DPY19L3: variants seen among roughly 807,000 people sequenced by gnomAD.
DPY19L3 encodes dpy-19 like C-mannosyltransferase 3.
In DPY19L3, 51 loss-of-function variants were observed where a neutral mutation model predicts 92.3. That is an observed-to-expected ratio of 0.55 (90% CI 0.44 to 0.70). The LOEUF is 0.70. Among genes scored for constraint, DPY19L3 ranks in the 30% least tolerant of loss-of-function variants. The pLI, the probability that DPY19L3 is intolerant of heterozygous loss-of-function variation, is 0.00. For missense variants in DPY19L3, 706 were observed against 855.9 expected, an observed-to-expected ratio of 0.82 and a Z score of 2.18; for synonymous variants, 309 against 315.2, an observed-to-expected ratio of 0.98 and a Z score of 0.21.
At chr19:32,413,140 C>T (rs1345387413) in intron 3 of DPY19L3, 1 of 152,120 alleles carries the variant, frequency 6.6e-6, no homozygotes, top group African/African-American at 2.4e-5. Context: ...ACTGTGGTGT[C>T]TAATGACTAG....
intron 3 of DPY19L3, among the ~76,000 whole-genome samples, chr19:32,426,938 C>T (rs140818422): frequency 1.7e-3 from 253 of 152,280 alleles, no homozygotes; most frequent in Non-Finnish European, 3.1e-3. Context: ...TGAGATGAGG[C>T]GTGCCTGAAG....
rs1970736354 is a variant in DPY19L3, at chr19:32,483,931, A to G, written c.*1691A>G. 1 of 152,790 alleles carries G rather than the reference A, an allele frequency of 6.5e-6. No individual in the cohort carries two copies. The highest frequency in any genetic ancestry group is 1.5e-5 in the Non-Finnish European group (1 of 68,032). The allele number at this position is 152,790 out of a possible 1,614,324, so 9.5% of individuals were successfully genotyped here. A position where few individuals can be genotyped will look rare whatever the true frequency, so the allele number is the denominator to read the frequency against. ...GAGTGCCTTACTCTAATTGAAACCAAGCACACGTAAGGTACAATATGTTAG... is the reference window on the plus strand; with the variant it reads ...GAGTGCCTTACTCTAATTGAAACCAGGCACACGTAAGGTACAATATGTTAG... On this transcript the variant is annotated 3_prime_UTR_variant, in exon 19 of 19. Coordinates refer to ENST00000392250, the MANE Select transcript of DPY19L3 (RefSeq NM_001172774.2).
At chr19:32,445,409 C>G (rs1050559424) in intron 8 of DPY19L3, among the ~76,000 whole-genome samples, 2 of 112,916 alleles carry the variant, frequency 1.8e-5, no homozygotes, top group Admixed American at 2.6e-4. Flanking sequence ...CCACTGCACT[C>G]CAGTCTGGGG....
intron 12 of DPY19L3, among the ~76,000 whole-genome samples, chr19:32,459,110 T>C (rs1169455096): frequency 6.6e-6 from 1 of 152,170 alleles, no homozygotes; most frequent in Non-Finnish European, 1.5e-5. Context: ...TAATTATTAG[T>C]ATCTACTAAA....
chr19:32,447,819 GATAGATAGATAGA>G (rs1160781464), intron 8 of DPY19L3, among the ~76,000 whole-genome samples: 15 of 89,898 alleles, frequency 1.7e-4, no homozygotes, highest in Admixed American at 1.4e-3. Context: ...AGATAGATTA[GATAGATAGATAGA>G]TAGATAGATA....
chr19:32,416,770 C>T (rs1045921676), intron 3 of DPY19L3, among the ~76,000 whole-genome samples: 1 of 152,188 alleles, frequency 6.6e-6, no homozygotes, highest in Non-Finnish European at 1.5e-5. Flanking sequence ...CAAAGAAGCT[C>T]TTCTGAGTAC....
At chr19:32,473,288 G>A (rs1228919729) in intron 16 of DPY19L3, among the ~76,000 whole-genome samples, 1 of 152,210 alleles carries the variant, frequency 6.6e-6, no homozygotes, top group Non-Finnish European at 1.5e-5. Context: ...GCTTGGCAGA[G>A]AGCTATAAAA....
At chr19:32,426,125 A>G (rs549387532) in intron 3 of DPY19L3, among the ~76,000 whole-genome samples, 62 of 152,276 alleles carry the variant, frequency 4.1e-4, no homozygotes, top group South Asian at 1.0e-3. Context: ...TTGCACTTGT[A>G]TGTTAGGGAG....
chr19:32,418,813 G>A (rs1968464012), intron 3 of DPY19L3, among the ~76,000 whole-genome samples: 1 of 152,130 alleles, frequency 6.6e-6, no homozygotes, highest in Non-Finnish European at 1.5e-5. Context: ...GAGAGTAAAA[G>A]TATTGGTTAT....
In DPY19L3 at chr19:32,479,985, G is replaced by A. The variant is rs145905034; in HGVS notation, c.1831-414G>A. ...AGCTGGGGCTCTGCCTTATTGGGACGTGTGTCCCTCAGACTGTCCCATCAC... is the reference window on the plus strand; with the variant it reads ...AGCTGGGGCTCTGCCTTATTGGGACATGTGTCCCTCAGACTGTCCCATCAC... On this transcript the variant is annotated intron_variant, in intron 17 of 18. Transcript: ENST00000392250. 1.4e-4 allele frequency among the ~76,000 whole-genome samples: 22 copies of A among 152,332 alleles called. No homozygotes were observed. The East Asian group carries it at 3.5e-3, about 24-fold the overall frequency.
intron 8 of DPY19L3, among the ~76,000 whole-genome samples, chr19:32,450,945 G>A (rs913215269): frequency 1.3e-5 from 2 of 152,200 alleles, no homozygotes; most frequent in African/African-American, 2.4e-5. Flanking sequence ...CTATCCCTAA[G>A]GAAATGTTTT....
intron 3 of DPY19L3, chr19:32,411,652 C>A: frequency 2.6e-6 from 1 of 384,994 alleles, no homozygotes; most frequent in Non-Finnish European, 4.5e-6. Context: ...ACTACAACCT[C>A]TGCCTCGCAG....
At position 32,482,242 on chromosome 19, in the gene DPY19L3, G is replaced by T; in HGVS notation, c.*2G>T. The T allele has an allele frequency of 6.8e-6, 11 of 1,609,108 alleles. No homozygotes were observed. The highest frequency in any genetic ancestry group is 9.3e-6 in the Non-Finnish European group (11 of 1,178,552). ...TACAAGCTGTCCAGAAACAAGTAGC[G>T]CAGATTTCTGCCCAGTGTCTATTTT... On this transcript the variant is annotated 3_prime_UTR_variant, in exon 19 of 19. Coordinates refer to ENST00000392250, the MANE Select transcript of DPY19L3 (RefSeq NM_001172774.2).
chr19:32,415,197 G>A (rs7251170), intron 3 of DPY19L3, among the ~76,000 whole-genome samples: 93,436 of 151,998 alleles, frequency 0.61, 28,980 homozygotes, highest in East Asian at 0.72. Context: ...ATCCCAACTC[G>A]GTGCTAGGAT....
chr19:32,446,682 A>T (rs1969509493), intron 8 of DPY19L3, among the ~76,000 whole-genome samples: 1 of 152,240 alleles, frequency 6.6e-6, no homozygotes, highest in South Asian at 2.1e-4. Flanking sequence ...TCCTAAGTGT[A>T]CCTGCACCAA....
Position 32,455,012 on chromosome 19 carries a change from T to C in DPY19L3, c.1061T>C (p.Leu354Ser). The C allele has an allele frequency of 3.2e-6, 5 of 1,568,474 alleles. No individual in the cohort carries two copies. The highest frequency in any genetic ancestry group is 4.3e-6 in the Non-Finnish European group (5 of 1,164,430). The change falls in exon 10 of 19, where the codon TTG (leucine) becomes TCG (serine). Residue 354 changes from leucine to serine, a missense_variant. Physicochemically the swap from Leu to Ser is moderately radical, Grantham distance 145. Coordinates refer to ENST00000392250, the MANE Select transcript of DPY19L3 (RefSeq NM_001172774.2). ...TTACATTTATTTATGGTTTTATGTT[T>C]GACACTTTTTCTCAACAACATAATT... is the stretch of plus-strand genomic sequence containing the variant. Reference protein sequence around the residue: ...LLLHLFMVLCLTLFLNNIIKK... With the variant: ...LLLHLFMVLCSTLFLNNIIKK...
intron 1 of DPY19L3, among the ~76,000 whole-genome samples, chr19:32,407,290 C>T (rs1166543261): frequency 2.8e-5 from 4 of 140,820 alleles, no homozygotes; most frequent in Admixed American, 7.2e-5. Context: ...CTCCCACCGA[C>T]GCTCCCTGGG....
At chr19:32,421,846 G>C (rs1040840345) in intron 3 of DPY19L3, among the ~76,000 whole-genome samples, 4 of 151,934 alleles carry the variant, frequency 2.6e-5, no homozygotes, top group African/African-American at 9.7e-5. Flanking sequence ...CAGAAGGAGC[G>C]ATCACAGAGA....
chr19:32,432,317 A>G (rs1247983438), intron 3 of DPY19L3, among the ~76,000 whole-genome samples: 4 of 152,208 alleles, frequency 2.6e-5, no homozygotes, highest in African/African-American at 9.6e-5. Context: ...GACTACAAAT[A>G]CCTTTTATTC....
Sources: gnomAD v4.1 joint callset for allele counts (sites outside exome capture counted in the v4.1 genomes callset) on GRCh38, gnomAD v4.1.1 for gene constraint, MANE v1.5 for transcripts, NCBI Gene and HGNC (gene_info 2026-07-23, HGNC 2026-07-21) for gene names.